Variants in IBTK observed in about 807,000 individuals in gnomAD.
The protein encoded by IBTK is inhibitor of Bruton tyrosine kinase.
IBTK carries 83 observed loss-of-function variants against 154.9 expected under a neutral mutation model. The observed-to-expected ratio is 0.54, with a 90% CI of 0.45 to 0.64. The LOEUF (loss-of-function observed/expected upper bound fraction) is 0.64. Among genes scored for constraint, IBTK ranks in the 30% least tolerant of loss-of-function variants. The probability of loss-of-function intolerance (pLI) is 0.00; values close to 1 mark genes in which losing one functional copy is unlikely to be tolerated. For synonymous variants in IBTK, 515 were observed against 536.1 expected (o/e 0.96, Z 0.54); for missense variants, 1,332 against 1,584.6 (o/e 0.84, Z 2.71).
At position 82,196,391 on chromosome 6, in the gene IBTK, T is replaced by G. The variant is rs752696580; in HGVS notation, c.3081A>C (p.Thr1027=). The G allele has an allele frequency of 6.2e-7, 1 of 1,612,782 alleles. No homozygotes were observed. ...CTGCATAGCTTCCTTCAGAGTCTGA[T>G]GTCAACAGTTCTGGAAGAGATTCCA... The part of the protein sequence containing the change: ...NSVESLPELL[T]SDSEGSYAGV... Residue 1027 remains threonine (T), a synonymous_variant, in exon 22 of 29, where the codon ACA becomes ACC. Coordinates refer to ENST00000306270, the MANE Select transcript of IBTK (RefSeq NM_015525.4).
intron 1 of IBTK, among the ~76,000 whole-genome samples, chr6:82,241,832 T>C (rs765890152): frequency 6.6e-6 from 1 of 152,194 alleles, no homozygotes; most frequent in African/African-American, 2.4e-5. Context: ...AAGAAGACTA[T>C]TTAGAAGGAC....
chr6:82,220,752 T>C lies in IBTK; in HGVS notation c.1125-39A>G. 2.7e-6 allele frequency: 4 copies of C among 1,470,456 alleles called. No homozygotes were observed. In the South Asian group the frequency reaches 4.2e-5, roughly 15 times the overall value. The allele number at this position is 1,470,456 out of a possible 1,614,324, so 91.1% of individuals were successfully genotyped here. ...AAAAAAATCCTAGATTAATATGTTC[T>C]CTAAACTACACATGCCTAAACTTCA... On this transcript the variant is annotated intron_variant, in intron 8 of 28. Coordinates refer to ENST00000306270, the MANE Select transcript of IBTK (RefSeq NM_015525.4).
Position 82,237,653 on chromosome 6 carries a change from ATAGTAGTGGTAGTAG to A in IBTK, c.321+2498_321+2512del, listed in dbSNP as rs1185096019. 1.1e-4 allele frequency among the ~76,000 whole-genome samples: 4 copies of A among 36,616 alleles called. No homozygotes were observed. In the East Asian group the frequency reaches 0.043, roughly 390 times the overall value. The allele number at this position is 36,616 out of a possible 152,430, so 24.0% of individuals were successfully genotyped here. ...GTAGCAGTAGTAGTAGTAGTAGAAGATAGTAGTGGTAGTAGTAGTAGTAGTAGTAGTAGTAGTAGT... is the reference window on the plus strand; with the variant it reads ...GTAGCAGTAGTAGTAGTAGTAGAAGATAGTAGTAGTAGTAGTAGTAGTAGT... On this transcript the variant is annotated intron_variant, in intron 2 of 28. Transcript: ENST00000306270.
intron 2 of IBTK, among the ~76,000 whole-genome samples, chr6:82,237,444 G>C (rs1325125818): frequency 6.7e-6 from 1 of 150,060 alleles, no homozygotes; most frequent in Non-Finnish European, 1.5e-5. Context: ...GATAGTCCCT[G>C]GGGGGGAAAA....
rs747004572 is a variant in IBTK at position 82,220,630 on chromosome 6, C to T, written c.1208G>A (p.Gly403Asp). The T allele has an allele frequency of 9.9e-6, 16 of 1,611,850 alleles. No individual in the cohort carries two copies. The South Asian group carries it at 1.8e-4, about 18-fold the overall frequency. Reference sequence around the variant, plus strand: ...CATTGCAAGAATGCAAATTTTTTGACCCCCATTTTCTTTCAAATGTTCAGG... The same window carrying T: ...CATTGCAAGAATGCAAATTTTTTGATCCCCATTTTCTTTCAAATGTTCAGG... Reference protein sequence around the residue: ...VDPEHLKENGGQKICILAMDG... With the variant: ...VDPEHLKENGDQKICILAMDG... The change falls in exon 9 of 29, where the codon GGT becomes GAT. Residue 403 changes from glycine to aspartate, a missense_variant. Around this residue, in one of 3 missense-constraint regions of IBTK, gnomAD observed 1,134 missense variants for 1,274.7 expected, o/e 0.89. Transcript: ENST00000306270.
At position 82,196,322 on chromosome 6, in the gene IBTK, T is replaced by C; in HGVS notation, c.3150A>G (p.Thr1050=). Reference sequence around the variant, plus strand: ...CCTCAATCTTATCTGAATGAAATCCTGTTGTGAAATCAGGGGACTGTAAAT... The same window carrying C: ...CCTCAATCTTATCTGAATGAAATCCCGTTGTGAAATCAGGGGACTGTAAAT... ...PRDLQSPDFT[T]GFHSDKIEAK... is the part of the protein sequence containing the mutation. Residue 1050 remains threonine (T), a synonymous_variant, in exon 22 of 29, where the codon ACA becomes ACG. Coordinates refer to ENST00000306270, the MANE Select transcript of IBTK (RefSeq NM_015525.4). 1.9e-6 allele frequency: 3 copies of C among 1,606,450 alleles called. No individual in the cohort carries two copies. Among genetic ancestry groups the C allele is most frequent in the Non-Finnish European group, 2.5e-6 (3 of 1,176,962 alleles).
chr6:82,201,600 A>G (rs550377296), intron 18 of IBTK, 118 bp from the exon 19 acceptor site: 1 of 642,962 alleles, frequency 1.6e-6, no homozygotes, highest in Admixed American at 3.2e-5. Flanking sequence ...TTTTTTAAGC[A>G]TTATATATAG....
chr6:82,238,436 A>G (rs1770815566), intron 2 of IBTK, among the ~76,000 whole-genome samples: 1 of 151,966 alleles, frequency 6.6e-6, no homozygotes, highest in Admixed American at 6.6e-5. Flanking sequence ...AAATTAAACA[A>G]TTTTAATGAT....
At chr6:82,190,652 G>A (rs1024758364) in intron 25 of IBTK, among the ~76,000 whole-genome samples, 1 of 152,062 alleles carries the variant, frequency 6.6e-6, no homozygotes, top group Non-Finnish European at 1.5e-5. Context: ...TATGGAGCAT[G>A]CAGAAGGACA....
chr6:82,228,953 C>T (rs1337994513), intron 4 of IBTK, among the ~76,000 whole-genome samples: 1 of 152,010 alleles, frequency 6.6e-6, no homozygotes, highest in African/African-American at 2.4e-5. Flanking sequence ...AAGAACTGAG[C>T]ATGGATTTTC....
intron 22 of IBTK, among the ~76,000 whole-genome samples, chr6:82,196,082 C>T (rs1032582613): frequency 9.2e-5 from 14 of 151,970 alleles, no homozygotes; most frequent in African/African-American, 3.4e-4. Flanking sequence ...TGCACAAAGA[C>T]TAGAAATAAC....
intron 16 of IBTK, among the ~76,000 whole-genome samples, chr6:82,208,650 G>A (rs1769506559): frequency 6.6e-6 from 1 of 151,994 alleles, no homozygotes; most frequent in Non-Finnish European, 1.5e-5. Context: ...GGCTGAGGTG[G>A]GAAGGATCAC....
chr6:82,176,310 C>A (rs1050146131), intron 26 of IBTK, among the ~76,000 whole-genome samples: 1 of 151,900 alleles, frequency 6.6e-6, no homozygotes, highest in Non-Finnish European at 1.5e-5. Flanking sequence ...CACCTGAGGT[C>A]AGGAGTTCGA....
intron 23 of IBTK, among the ~76,000 whole-genome samples, chr6:82,192,649 AG>A (rs1280203086): frequency 6.6e-6 from 1 of 151,604 alleles, no homozygotes; most frequent in East Asian, 1.9e-4. Flanking sequence ...AGGGAGGCTG[AG>A]GCAGGAGAAC....
At chr6:82,213,931 A>T (rs989277658) in intron 12 of IBTK, among the ~76,000 whole-genome samples, 1 of 149,826 alleles carries the variant, frequency 6.7e-6, no homozygotes, top group Non-Finnish European at 1.5e-5. Flanking sequence ...GGGAAAGAAA[A>T]GCAAAGCAAG....
At chr6:82,230,562 C>A (rs1465382788) in intron 4 of IBTK, among the ~76,000 whole-genome samples, 1 of 151,992 alleles carries the variant, frequency 6.6e-6, no homozygotes, top group Non-Finnish European at 1.5e-5. Context: ...GTTCATGAGA[C>A]AGAAAAGAAC....
chr6:82,195,448 C>T (rs1768945867), intron 22 of IBTK, among the ~76,000 whole-genome samples: 1 of 151,772 alleles, frequency 6.6e-6, no homozygotes, highest in South Asian at 2.1e-4. Context: ...CGTGATGGTG[C>T]GTGCTTATAA....
chr6:82,242,330 T>C (rs960228608), intron 1 of IBTK, among the ~76,000 whole-genome samples: 1 of 151,304 alleles, frequency 6.6e-6, no homozygotes, highest in South Asian at 2.1e-4. Flanking sequence ...GATCACACCA[T>C]TGCACTCCAG....
chr6:82,238,659 T>C (rs1770825537), intron 2 of IBTK, among the ~76,000 whole-genome samples: 1 of 152,108 alleles, frequency 6.6e-6, no homozygotes, highest in Admixed American at 6.6e-5. Context: ...CAGGCTAGTC[T>C]TGAACTCCTG....
Sources: allele counts gnomAD v4.1 joint callset (sites outside exome capture counted in the v4.1 genomes callset), GRCh38; gene constraint gnomAD v4.1.1; regional missense constraint gnomAD v4.1.1; transcripts MANE v1.5; gene names NCBI Gene and HGNC (gene_info 2026-07-23, HGNC 2026-07-21).